Variants in CMC1 observed in about 807,000 individuals in gnomAD.
The protein encoded by CMC1 is C-X9-C motif containing 1, also known as COX assembly mitochondrial protein homolog.
A neutral mutation model predicts 14.1 loss-of-function variants in CMC1; 14 were observed. The ratio of observed to expected loss-of-function variants is 0.99; its 90% CI spans 0.66 to 1.55. CMC1 has a LOEUF of 1.55. Among genes scored for constraint, CMC1 ranks in the 40% most tolerant of loss-of-function variants. CMC1 has a pLI of 0.00. For synonymous variants in CMC1, 50 were observed against 38.4 expected (o/e 1.30, Z -1.12); for missense variants, 127 against 123.8 (o/e 1.03, Z -0.12).
At position 28,320,989 on chromosome 3, in the gene CMC1, ATTTTT is replaced by A. The variant is rs58476482; in HGVS notation, c.*1365_*1369del. Reference sequence around the variant, plus strand: ...TAATCCCATGCAATAGATCTGAGAGATTTTTTTTTAAGAAAGAATTTAAATAGGAC... The same window carrying A: ...TAATCCCATGCAATAGATCTGAGAGATTTTAAGAAAGAATTTAAATAGGAC... On this transcript the variant is annotated 3_prime_UTR_variant, in exon 4 of 4. Transcript: ENST00000466830. 6.6e-6 allele frequency: 1 copy of A among 150,696 alleles called. No homozygotes were observed. Among genetic ancestry groups the A allele is most frequent in the African/African-American group, 2.4e-5 (1 of 41,132 alleles). 9.3% of individuals were successfully genotyped at this position (150,696 alleles called of 1,614,324 possible). A position where few individuals can be genotyped will look rare whatever the true frequency, so the allele number is the denominator to read the frequency against.
At chr3:28,308,280 AAAG>A (rs1253242894) in intron 2 of CMC1, among the ~76,000 whole-genome samples, 1 of 152,206 alleles carries the variant, frequency 6.6e-6, no homozygotes, top group African/African-American at 2.4e-5. Flanking sequence ...TTTAAAAAAA[AAAG>A]AAAAGAAAAA....
At chr3:28,273,476 G>A (rs1700404103) in intron 2 of CMC1, among the ~76,000 whole-genome samples, 1 of 152,124 alleles carries the variant, frequency 6.6e-6, no homozygotes, top group Non-Finnish European at 1.5e-5. Flanking sequence ...TGTTTGTTAT[G>A]ATTTCAGTTA....
intron 2 of CMC1, among the ~76,000 whole-genome samples, chr3:28,305,151 G>T (rs932524459): frequency 2.0e-5 from 3 of 152,056 alleles, no homozygotes; most frequent in Non-Finnish European, 2.9e-5. Context: ...CATACCCATT[G>T]TTTAGCTCCT....
chr3:28,283,675 C>T (rs977605607), intron 2 of CMC1, among the ~76,000 whole-genome samples: 1 of 151,912 alleles, frequency 6.6e-6, no homozygotes, highest in African/African-American at 2.4e-5. Context: ...GATTTCATTT[C>T]CATTCTAACT....
rs1316502674 is a variant in CMC1 at position 28,263,324 on chromosome 3, T to A, written c.53T>A (p.Leu18Ter). Residue 18 changes from leucine to a stop codon, truncating the protein, a stop_gained, in exon 2 of 4, where the codon TTG becomes TAG. Coordinates refer to ENST00000466830, the MANE Select transcript of CMC1 (RefSeq NM_182523.2). LOFTEE classifies it high-confidence loss of function. ...QHLRHVEKDV[L>*]IPKIMREKAK... is the part of the protein sequence containing the mutation. ...CTCAGACATGTCGAAAAAGATGTTT[T>A]GATCCCTAAAATAATGAGAGAAAAG... The A allele has an allele frequency of 6.2e-7, 1 of 1,609,136 alleles. No homozygotes were observed.
rs112245410 is a variant in CMC1 at position 28,288,647 on chromosome 3, T to C, written c.109+25267T>C. Among the ~76,000 whole-genome samples the C allele has an allele frequency of 4.4e-3, 664 of 152,110 alleles. 8 individuals are homozygous for C. The highest frequency in any genetic ancestry group is 0.017 in the Middle Eastern group (5 of 294). On this transcript the variant is annotated intron_variant, in intron 2 of 3. Coordinates refer to ENST00000466830, the MANE Select transcript of CMC1 (RefSeq NM_182523.2). ...TATTAAAACAAGGAATATAAACATT[T>C]AAATCATAGTTGAGAGGAAAAACAA... is the stretch of plus-strand genomic sequence containing the variant.
chr3:28,270,764 C>G (rs1700237443), intron 2 of CMC1, among the ~76,000 whole-genome samples: 1 of 151,976 alleles, frequency 6.6e-6, no homozygotes, highest in Non-Finnish European at 1.5e-5. Flanking sequence ...AACTAGATCC[C>G]ATTTGTCAAT....
chr3:28,312,366 A>G (rs1223713843), intron 2 of CMC1, among the ~76,000 whole-genome samples: 2 of 152,126 alleles, frequency 1.3e-5, no homozygotes, highest in Non-Finnish European at 1.5e-5. Context: ...AATAATGGGG[A>G]TTATTTCTTT....
intron 2 of CMC1, among the ~76,000 whole-genome samples, chr3:28,288,656 G>T (rs186555095): frequency 6.6e-6 from 1 of 151,944 alleles, no homozygotes; most frequent in African/African-American, 2.4e-5. Flanking sequence ...TTAAATCATA[G>T]TTGAGAGGAA....
At chr3:28,260,845 A>G (rs76005614) in intron 1 of CMC1, among the ~76,000 whole-genome samples, 1,684 of 152,128 alleles carry the variant, frequency 0.011, 17 homozygotes, top group Non-Finnish European at 0.017. Context: ...ATTTTCTTAG[A>G]TCCATGGGTT....
rs1170434238 is a variant in CMC1 at position 28,319,627 on chromosome 3, T to C, written c.319T>C (p.Ter107GlnextTer22). Residue 107 changes from the stop codon to glutamine, a stop_lost, in exon 4 of 4, where the codon TAG becomes CAG. Coordinates refer to ENST00000466830, the MANE Select transcript of CMC1 (RefSeq NM_182523.2). ...GCTACAGAAGCTTCCAACAAGCATG[T>C]AGGCAGATACTCAAATGACATTCAG... is the stretch of plus-strand genomic sequence containing the variant. ...KRLQKLPTSM* is the reference protein window; with the variant it reads ...KRLQKLPTSMQ The C allele has an allele frequency of 2.5e-6, 4 of 1,598,312 alleles. No homozygotes were observed. Among genetic ancestry groups the C allele is most frequent in the Non-Finnish European group, 3.4e-6 (4 of 1,174,116 alleles).
rs1221679492 is a variant in CMC1, at chr3:28,322,477, T to C, written c.*2848T>C. ...CAAAGGAAAATTTCCAATTTTGGTT[T>C]TAAAAAAGGCAAACCAGTAAGCTAC... On this transcript the variant is annotated 3_prime_UTR_variant, in exon 4 of 4. Coordinates refer to ENST00000466830, the MANE Select transcript of CMC1 (RefSeq NM_182523.2). 3 of 151,690 alleles carry C rather than the reference T, an allele frequency of 2.0e-5. No homozygotes were observed. The highest frequency in any genetic ancestry group is 4.4e-5 in the Non-Finnish European group (3 of 67,440). 9.4% of individuals were successfully genotyped at this position (151,690 alleles called of 1,614,324 possible).
intron 2 of CMC1, among the ~76,000 whole-genome samples, chr3:28,290,241 A>AT (rs1019863140): frequency 6.6e-6 from 1 of 151,620 alleles, no homozygotes; most frequent in Admixed American, 6.6e-5. Flanking sequence ...GTCTTTAAAA[A>AT]TTTTTTTTTG....
chr3:28,313,358 A>G (rs1245038255), intron 2 of CMC1, among the ~76,000 whole-genome samples: 3 of 152,154 alleles, frequency 2.0e-5, no homozygotes, highest in African/African-American at 7.2e-5. Context: ...CTTTTGTATT[A>G]TCTTAAGATA....
At chr3:28,260,023 T>C (rs890164808) in intron 1 of CMC1, among the ~76,000 whole-genome samples, 3 of 152,178 alleles carry the variant, frequency 2.0e-5, no homozygotes, top group Non-Finnish European at 4.4e-5. Flanking sequence ...TTGTTTTTTA[T>C]GAATGCATGT....
In CMC1 at chr3:28,324,697, G is replaced by A. The variant is rs1703317101; in HGVS notation, c.*5068G>A. 2.9e-6 allele frequency: 1 copy of A among 350,568 alleles called. No individual in the cohort carries two copies. Among genetic ancestry groups the A allele is most frequent in the Admixed American group, 4.4e-5 (1 of 22,594 alleles). The allele number at this position is 350,568 out of a possible 1,614,324, so 21.7% of individuals were successfully genotyped here. On this transcript the variant is annotated 3_prime_UTR_variant, in exon 4 of 4. Coordinates refer to ENST00000466830, the MANE Select transcript of CMC1 (RefSeq NM_182523.2). ...AGCTGCTCCTGATGTCTCTTTCCTT[G>A]TCTGCAGAATGGATATAGAATTCCT...
chr3:28,301,387 T>C (rs1423307408), intron 2 of CMC1, among the ~76,000 whole-genome samples: 1 of 151,946 alleles, frequency 6.6e-6, no homozygotes, highest in Non-Finnish European at 1.5e-5. Flanking sequence ...ACCCAACTAA[T>C]TTTTAAAATT....
chr3:28,299,527 C>T (rs1370322562), intron 2 of CMC1, among the ~76,000 whole-genome samples: 1 of 152,030 alleles, frequency 6.6e-6, no homozygotes, highest in Non-Finnish European at 1.5e-5. Context: ...CTTCTTGTCT[C>T]ATTAAATGCA....
At chr3:28,282,386 G>C (rs1700945447) in intron 2 of CMC1, among the ~76,000 whole-genome samples, 1 of 152,154 alleles carries the variant, frequency 6.6e-6, no homozygotes, top group Non-Finnish European at 1.5e-5. Flanking sequence ...CTGCAATGTA[G>C]TCCTACAGAG....
Sources: allele counts gnomAD v4.1 joint callset (sites outside exome capture counted in the v4.1 genomes callset), GRCh38; gene constraint gnomAD v4.1.1; transcripts MANE v1.5; gene names NCBI Gene and HGNC (gene_info 2026-07-23, HGNC 2026-07-21).